The following ROBO2 variants were observed in gnomAD, a reference collection of about 807,000 sequenced individuals.
ROBO2 encodes roundabout homolog 2.
In ROBO2, 53 loss-of-function variants were observed where a neutral mutation model predicts 160.8. The observed-to-expected ratio is 0.33, with a 90% CI of 0.26 to 0.41. The LOEUF (loss-of-function observed/expected upper bound fraction) is 0.41. Ranked by LOEUF, ROBO2 falls within the 10% of genes least tolerant of loss-of-function variation. The pLI is 1.00. For synonymous variants in ROBO2, 664 were observed against 611.7 expected, an observed-to-expected ratio of 1.09 and a Z score of -1.26; for missense variants, 1,577 against 1,722.4, an observed-to-expected ratio of 0.92 and a Z score of 1.49.
intron 2 of ROBO2, among the ~76,000 whole-genome samples, chr3:77,193,276 A>C (rs944665551): frequency 1.1e-5 from 1 of 87,704 alleles, no homozygotes; most frequent in Non-Finnish European, 3.1e-5. Flanking sequence ...CAGATAATTC[A>C]AAAAAAAAAA....
chr3:76,819,676 G>A (rs548329822), intron 2 of ROBO2, among the ~76,000 whole-genome samples: 5 of 152,042 alleles, frequency 3.3e-5, no homozygotes, highest in African/African-American at 4.8e-5. Flanking sequence ...TAGGCTAGTC[G>A]GTCAACCTCC....
At chr3:75,969,776 A>G (rs770814138) in intron 2 of ROBO2, among the ~76,000 whole-genome samples, 3 of 151,418 alleles carry the variant, frequency 2.0e-5, no homozygotes, top group Admixed American at 1.3e-4. Context: ...TGAGATTTTC[A>G]TTTCACATAT....
intron 2 of ROBO2, among the ~76,000 whole-genome samples, chr3:76,165,526 G>A (rs573202941): frequency 2.0e-5 from 3 of 152,178 alleles, no homozygotes; most frequent in African/African-American, 7.2e-5. Context: ...ACATTCATTT[G>A]TTCACTGGAG....
intron 2 of ROBO2, among the ~76,000 whole-genome samples, chr3:76,545,717 T>C (rs1054891941): frequency 8.6e-5 from 13 of 151,936 alleles, no homozygotes; most frequent in African/African-American, 3.1e-4. Flanking sequence ...TCTTTTTTCT[T>C]GAGTATATTT....
At chr3:76,623,823 T>C (rs2109317282) in intron 2 of ROBO2, among the ~76,000 whole-genome samples, 1 of 152,312 alleles carries the variant, frequency 6.6e-6, no homozygotes, top group Non-Finnish European at 1.5e-5. Flanking sequence ...AAGATAAAAT[T>C]GAAGCAAAGT....
At chr3:76,144,342 T>G (rs144540544) in intron 2 of ROBO2, among the ~76,000 whole-genome samples, 207 of 152,174 alleles carry the variant, frequency 1.4e-3, no homozygotes, top group African/African-American at 4.8e-3. Flanking sequence ...TTTAGCTATT[T>G]ATGAATTCCA....
At chr3:76,146,779 T>C (rs1017039526) in intron 2 of ROBO2, among the ~76,000 whole-genome samples, 6 of 103,086 alleles carry the variant, frequency 5.8e-5, no homozygotes, top group Non-Finnish European at 1.3e-4. Context: ...ATTCTATCAT[T>C]ACCACAGACA....
intron 2 of ROBO2, among the ~76,000 whole-genome samples, chr3:77,258,725 A>G (rs976982756): frequency 4.6e-5 from 7 of 152,112 alleles, no homozygotes; most frequent in African/African-American, 1.7e-4. Context: ...CCTCATCTTC[A>G]AAGTCTAGCA....
intron 2 of ROBO2, among the ~76,000 whole-genome samples, chr3:76,446,245 A>G (rs2077174336): frequency 6.6e-6 from 1 of 152,186 alleles, no homozygotes; most frequent in Admixed American, 6.6e-5. Context: ...TTACAACAAT[A>G]AGAGACAAAC....
At chr3:76,719,877 G>C (rs1463479310) in intron 2 of ROBO2, among the ~76,000 whole-genome samples, 5 of 48,312 alleles carry the variant, frequency 1.0e-4, no homozygotes, top group Non-Finnish European at 2.1e-4. Flanking sequence ...GAGTGAGACT[G>C]TGTCTCAAAA....
At chr3:76,638,742 A>G (rs924059842) in intron 2 of ROBO2, among the ~76,000 whole-genome samples, 10 of 152,096 alleles carry the variant, frequency 6.6e-5, no homozygotes, top group Non-Finnish European at 1.5e-4. Flanking sequence ...TTTGTCTGCT[A>G]TCATCTTTTA....
At chr3:76,768,107 T>C (rs978007985) in intron 2 of ROBO2, among the ~76,000 whole-genome samples, 3 of 151,514 alleles carry the variant, frequency 2.0e-5, no homozygotes, top group African/African-American at 7.3e-5. Context: ...GTGTACGTCC[T>C]ATGATAAAAT....
rs9846470 is a variant in ROBO2, at chr3:76,467,984, A to G, written c.109+530382A>G. 2.3e-3 allele frequency among the ~76,000 whole-genome samples: 355 copies of G among 152,298 alleles called. 1 individual carries two copies. Among genetic ancestry groups the G allele is most frequent in the African/African-American group, 8.3e-3 (344 of 41,582 alleles). On this transcript the variant is annotated intron_variant, in intron 2 of 26. Coordinates refer to the ROBO2 transcript ENST00000487694. ...ATGAGCTTAGCTCAAAGAGGAATAA[A>G]TAGCAAGTTTTATCTCTGACAGTTT...
intron 2 of ROBO2, among the ~76,000 whole-genome samples, chr3:76,676,304 A>ACTTTGCACTTCTCCTTCCTGGCG (rs1560356060): frequency 9.2e-5 from 14 of 152,132 alleles, no homozygotes; most frequent in African/African-American, 3.4e-4. Context: ...GCCCCTCTTC[A>ACTTTGCACTTCTCCTTCCTGGCG]CTTTGCACTT....
At chr3:76,286,777 G>A (rs886700507) in intron 2 of ROBO2, among the ~76,000 whole-genome samples, 5 of 152,102 alleles carry the variant, frequency 3.3e-5, no homozygotes, top group East Asian at 3.9e-4. Context: ...ATAAGATGAG[G>A]CGGTAGTTGC....
At chr3:77,040,149 T>C (rs1305921077) in exon 1 of ROBO2, 7 of 984,166 alleles carry the variant, frequency 7.1e-6, no homozygotes, top group Non-Finnish European at 8.4e-6. Context: ...CCTTCTCCTC[T>C]CTTTTGGAAA....
intron 2 of ROBO2, among the ~76,000 whole-genome samples, chr3:76,122,123 A>C (rs2070775584): frequency 6.6e-6 from 1 of 152,098 alleles, no homozygotes; most frequent in Non-Finnish European, 1.5e-5. Flanking sequence ...TTGTAACTCA[A>C]CTTCCTCATT....
At chr3:75,910,828 CAG>C (rs1209336026) in intron 1 of ROBO2, among the ~76,000 whole-genome samples, 3 of 152,124 alleles carry the variant, frequency 2.0e-5, no homozygotes, top group Non-Finnish European at 2.9e-5. Context: ...AGTGAACAAA[CAG>C]AAGATACTGA....
chr3:76,934,758 G>A (rs867469546), intron 2 of ROBO2, among the ~76,000 whole-genome samples: 1 of 108,320 alleles, frequency 9.2e-6, no homozygotes, highest in Non-Finnish European at 1.9e-5. Context: ...AAAAACAAAA[G>A]CAAGAAAATC....
Sources: gnomAD v4.1 joint callset for allele counts (sites outside exome capture counted in the v4.1 genomes callset) on GRCh38, gnomAD v4.1.1 for gene constraint, MANE v1.5 for transcripts, NCBI Gene and HGNC (gene_info 2026-07-23, HGNC 2026-07-21) for gene names.